The following DAB2IP variants were observed in gnomAD, a reference collection of about 807,000 sequenced individuals.
DAB2IP encodes the protein DAB2 interacting protein, also known as disabled homolog 2-interacting protein.
A neutral mutation model predicts 107.2 loss-of-function variants in DAB2IP; 28 were observed. The ratio of observed to expected loss-of-function variants is 0.26; its 90% confidence interval spans 0.19 to 0.36. DAB2IP has a LOEUF of 0.36. Among genes scored for constraint, DAB2IP ranks in the 10% least tolerant of loss-of-function variants. DAB2IP has a pLI of 1.00. For missense variants in DAB2IP, 1,400 were observed against 1,644.7 expected (o/e 0.85, Z 2.57); for synonymous variants, 755 against 706.4 (o/e 1.07, Z -1.09).
At chr9:121,769,146 G>C (rs1834512265) in intron 10 of DAB2IP, among the ~76,000 whole-genome samples, 1 of 152,124 alleles carries the variant, frequency 6.6e-6, no homozygotes, top group Non-Finnish European at 1.5e-5. Flanking sequence ...CCCACACAGT[G>C]AGCAACTAGT....
intron 1 of DAB2IP, among the ~76,000 whole-genome samples, chr9:121,671,350 A>T (rs1213842910): frequency 6.6e-6 from 1 of 152,148 alleles, no homozygotes; most frequent in Non-Finnish European, 1.5e-5. Flanking sequence ...CAACAACAAC[A>T]ACAAATTCTT....
intron 3 of DAB2IP, among the ~76,000 whole-genome samples, chr9:121,729,612 A>G (rs1242615692): frequency 6.6e-6 from 1 of 152,188 alleles, no homozygotes; most frequent in African/African-American, 2.4e-5. Flanking sequence ...ATAAGTAAAC[A>G]GGTGGGAGGA....
chr9:121,784,959 AGGGAAGGACAGTCCCTGCTG>A (rs1325058838), exon 16 of DAB2IP: 1 of 152,538 alleles, frequency 6.6e-6, no homozygotes, highest in Non-Finnish European at 1.5e-5. Context: ...GAGGCCCTGG[AGGGAAGGACAGTCCCTGCTG>A]GGGAAGAACA....
At chr9:121,656,589 C>G (rs956897907) in intron 1 of DAB2IP, among the ~76,000 whole-genome samples, 1 of 152,224 alleles carries the variant, frequency 6.6e-6, no homozygotes, top group Non-Finnish European at 1.5e-5. Context: ...CCTCCTCTCC[C>G]TTACATACCT....
chr9:121,780,860 G>C (rs1835570318), intron 14 of DAB2IP, among the ~76,000 whole-genome samples: 1 of 152,204 alleles, frequency 6.6e-6, no homozygotes, highest in Admixed American at 6.5e-5. Flanking sequence ...CTGTCCTTCA[G>C]ATGTCTCCTA....
At chr9:121,688,331 G>A (rs1828991897) in intron 2 of DAB2IP, among the ~76,000 whole-genome samples, 1 of 152,188 alleles carries the variant, frequency 6.6e-6, no homozygotes, top group Non-Finnish European at 1.5e-5. Flanking sequence ...CTAACACAAG[G>A]CTCTGCATCG....
chr9:121,629,814 C>G (rs1254641185), intron 1 of DAB2IP, among the ~76,000 whole-genome samples: 1 of 152,118 alleles, frequency 6.6e-6, no homozygotes, highest in African/African-American at 2.4e-5. Context: ...GCCTCGGCAG[C>G]CAGCTAGAGG....
chr9:121,734,239 C>T (rs1347593256), intron 3 of DAB2IP, among the ~76,000 whole-genome samples: 6 of 149,218 alleles, frequency 4.0e-5, no homozygotes, highest in South Asian at 4.2e-4. Flanking sequence ...TAGCCGGGCG[C>T]GGTGGCGGGC....
intron 2 of DAB2IP, among the ~76,000 whole-genome samples, chr9:121,683,041 A>G (rs948915788): frequency 1.1e-4 from 16 of 152,204 alleles, no homozygotes; most frequent in Middle Eastern, 6.8e-3. Context: ...CCTGAGATTC[A>G]AACCCAGGTC....
At chr9:121,609,059 A>G (rs1466607780) in intron 1 of DAB2IP, among the ~76,000 whole-genome samples, 2 of 152,204 alleles carry the variant, frequency 1.3e-5, no homozygotes, top group Non-Finnish European at 2.9e-5. Context: ...CTCCTGCCTC[A>G]GCCTCCCTGG....
intron 2 of DAB2IP, among the ~76,000 whole-genome samples, chr9:121,694,233 G>C (rs1397936876): frequency 6.6e-6 from 1 of 152,122 alleles, no homozygotes; most frequent in Non-Finnish European, 1.5e-5. Flanking sequence ...GCCCATCCCA[G>C]GGGCCAGAAC....
chr9:121,590,814 A>T (rs1830409596), intron 1 of DAB2IP, among the ~76,000 whole-genome samples: 2 of 152,160 alleles, frequency 1.3e-5, no homozygotes, highest in Admixed American at 6.5e-5. Context: ...GTAGGAGGGG[A>T]TACAACAATG....
chr9:121,625,810 G>A (rs903439348), intron 1 of DAB2IP, among the ~76,000 whole-genome samples: 10 of 151,978 alleles, frequency 6.6e-5, no homozygotes, highest in Admixed American at 6.6e-4. Context: ...TGATCTAGTT[G>A]TCTCCATTGA....
intron 1 of DAB2IP, among the ~76,000 whole-genome samples, chr9:121,669,098 T>C (rs1320264091): frequency 1.3e-5 from 2 of 152,006 alleles, no homozygotes; most frequent in African/African-American, 4.8e-5. Flanking sequence ...GTATTTTTAG[T>C]AGAGACAGGG....
At chr9:121,654,028 C>T (rs945187488) in intron 1 of DAB2IP, among the ~76,000 whole-genome samples, 1 of 152,176 alleles carries the variant, frequency 6.6e-6, no homozygotes, top group Non-Finnish European at 1.5e-5. Context: ...CAAGTCTCAG[C>T]TGTGCACACA....
At chr9:121,617,486 G>C (rs759741645) in intron 1 of DAB2IP, among the ~76,000 whole-genome samples, 1 of 152,240 alleles carries the variant, frequency 6.6e-6, no homozygotes, top group Non-Finnish European at 1.5e-5. Context: ...CAAGCGTTCT[G>C]TGGGAGGGAC....
rs914027518 is a variant in DAB2IP, at chr9:121,634,674, T to G, written c.41-44004T>G. ...GGAGTGTGGAAGAGGAGCACCTTTCTCTGGGGAGAGCACTTCCGGGAGATG... is the reference window on the plus strand; with the variant it reads ...GGAGTGTGGAAGAGGAGCACCTTTCGCTGGGGAGAGCACTTCCGGGAGATG... On this transcript the variant is annotated intron_variant, in intron 1 of 16. Transcript: ENST00000259371. The surrounding 1 kb of genome is among the most constrained non-coding windows in gnomAD (Gnocchi z 4.7). Among the ~76,000 whole-genome samples the G allele has an allele frequency of 6.6e-6, 1 of 152,144 alleles. No homozygotes were observed. Among genetic ancestry groups the G allele is most frequent in the Non-Finnish European group, 1.5e-5 (1 of 68,026 alleles).
At chr9:121,696,452 C>T (rs1829434040) in intron 2 of DAB2IP, among the ~76,000 whole-genome samples, 4 of 152,192 alleles carry the variant, frequency 2.6e-5, no homozygotes, top group Admixed American at 2.6e-4. Context: ...AGCCCCTCTT[C>T]CCAAGTTAGG....
At chr9:121,568,890 C>A (rs1829867675) in intron 1 of DAB2IP, among the ~76,000 whole-genome samples, 1 of 152,228 alleles carries the variant, frequency 6.6e-6, no homozygotes, top group African/African-American at 2.4e-5. Flanking sequence ...GCTGCCTCCA[C>A]CCTCATGGAA....
Sources: allele counts gnomAD v4.1 joint callset (sites outside exome capture counted in the v4.1 genomes callset), GRCh38; gene constraint gnomAD v4.1.1; non-coding constraint Gnocchi (gnomAD v3.1); transcripts MANE v1.5; gene names NCBI Gene and HGNC (gene_info 2026-07-23, HGNC 2026-07-21).